The following ANKRD50 variants were observed in gnomAD, a reference collection of about 807,000 sequenced individuals.
The protein encoded by ANKRD50 is ankyrin repeat domain 50, also known as ankyrin repeat domain-containing protein 50.
ANKRD50 carries 40 observed loss-of-function variants against 112.0 expected under a neutral mutation model. The ratio of observed to expected loss-of-function variants is 0.36; its 90% CI spans 0.28 to 0.46. The LOEUF (loss-of-function observed/expected upper bound fraction) is 0.46. Among genes scored for constraint, ANKRD50 ranks in the 20% least tolerant of loss-of-function variants. The probability of loss-of-function intolerance (pLI) is 1.00; values close to 1 mark genes in which losing one functional copy is unlikely to be tolerated. For missense variants in ANKRD50, 1,487 were observed against 1,701.7 expected, an observed-to-expected ratio of 0.87 and a Z score of 2.22; for synonymous variants, 613 against 619.1, an observed-to-expected ratio of 0.99 and a Z score of 0.15.
At chr4:124,679,719 T>C (rs570424787) in intron 2 of ANKRD50, among the ~76,000 whole-genome samples, 11 of 152,300 alleles carry the variant, frequency 7.2e-5, no homozygotes, top group Non-Finnish European at 1.2e-4. Flanking sequence ...TGTGTTTTCT[T>C]AGTCTTTCAA....
chr4:124,688,078 C>T (rs1011988750), intron 2 of ANKRD50, among the ~76,000 whole-genome samples: 7 of 152,022 alleles, frequency 4.6e-5, no homozygotes, highest in African/African-American at 1.7e-4. Flanking sequence ...ATTTATAATC[C>T]CCCAAATTAG....
chr4:124,682,322 CAAAAAAAAAAAA>C (rs36107017), intron 2 of ANKRD50, among the ~76,000 whole-genome samples: 17 of 87,546 alleles, frequency 1.9e-4, no homozygotes, highest in African/African-American at 3.6e-4. Context: ...GACTCCGTCT[CAAAAAAAAAAAA>C]AAAAAAAAAA....
At chr4:124,708,916 C>T (rs1242073013) in intron 2 of ANKRD50, among the ~76,000 whole-genome samples, 3 of 151,770 alleles carry the variant, frequency 2.0e-5, no homozygotes, top group Admixed American at 2.0e-4. Context: ...TTACTGTTTA[C>T]TGTAATTACT....
At chr4:124,688,770 T>C (rs998852564) in intron 2 of ANKRD50, among the ~76,000 whole-genome samples, 1 of 152,176 alleles carries the variant, frequency 6.6e-6, no homozygotes, top group Non-Finnish European at 1.5e-5. Context: ...CCTACTAGAA[T>C]GCTGAATCAA....
chr4:124,694,102 G>T (rs1256035279), intron 2 of ANKRD50, among the ~76,000 whole-genome samples: 5 of 151,972 alleles, frequency 3.3e-5, no homozygotes, highest in African/African-American at 1.2e-4. Context: ...TAAAGCAAGT[G>T]GAACAGGAAA....
At position 124,669,682 on chromosome 4, in the gene ANKRD50, C is replaced by T; in HGVS notation, c.3595G>A (p.Ala1199Thr). Residue 1199 changes from alanine to threonine, a missense_variant, in exon 4 of 5, where the codon GCA becomes ACA. Physicochemically the swap from Ala to Thr is moderately conservative, Grantham distance 58. This residue lies in a region of ANKRD50 where 441 missense variants were observed against 432.2 expected (regional missense o/e 1.02). Coordinates refer to ENST00000504087, the MANE Select transcript of ANKRD50 (RefSeq NM_020337.3). ...NSSLRTTSSTATAQTVPIDSF... is the reference protein window; with the variant it reads ...NSSLRTTSSTTTAQTVPIDSF... Reference sequence around the variant, plus strand: ...TCAATTGGCACTGTTTGAGCCGTTGCTGTAGATGAAGTAGTTCTCAAAGAT... The same window carrying T: ...TCAATTGGCACTGTTTGAGCCGTTGTTGTAGATGAAGTAGTTCTCAAAGAT... 6.2e-7 allele frequency: 1 copy of T among 1,612,920 alleles called. No homozygotes were observed. The highest frequency in any genetic ancestry group is 2.2e-5 in the East Asian group (1 of 44,844).
chr4:124,694,196 AAAACTAGTAAGT>A (rs1468310166), intron 2 of ANKRD50, among the ~76,000 whole-genome samples: 2 of 152,222 alleles, frequency 1.3e-5, no homozygotes, highest in Admixed American at 1.3e-4. Context: ...ACTAGGATAA[AAAACTAGTAAGT>A]AAAATTGATA....
chr4:124,672,117 C>G lies in ANKRD50; in HGVS notation c.1160G>C (p.Arg387Pro). The G allele has an allele frequency of 6.2e-7, 1 of 1,613,832 alleles. No individual in the cohort carries two copies. The highest frequency in any genetic ancestry group is 8.5e-7 in the Non-Finnish European group (1 of 1,179,828). ...NMSLTLEDFQ[R>P]KLDILSKLLV... ...AAGTTTGGAGAGGATATCTAACTTG[C>G]GTTGAAAATCTTCCAAAGTTAACGA... The change falls in exon 4 of 5, where the codon CGC (arginine) becomes CCC (proline). Residue 387 changes from arginine to proline, a missense_variant. This residue lies in a region of ANKRD50 where 1,046 missense variants were observed against 1,269.5 expected (regional missense o/e 0.82). Transcript: ENST00000504087.
chr4:124,696,767 T>C (rs1167405276), intron 2 of ANKRD50, among the ~76,000 whole-genome samples: 1 of 152,214 alleles, frequency 6.6e-6, no homozygotes, highest in African/African-American at 2.4e-5. Context: ...AAAATGTTAT[T>C]TATATTAACA....
chr4:124,692,003 C>G (rs755692153), intron 2 of ANKRD50, among the ~76,000 whole-genome samples: 1 of 152,282 alleles, frequency 6.6e-6, no homozygotes, highest in Admixed American at 6.5e-5. Flanking sequence ...AAGCCGAAGT[C>G]AAAATGCAGG....
intron 2 of ANKRD50, among the ~76,000 whole-genome samples, chr4:124,694,481 T>G (rs1725206778): frequency 6.6e-6 from 1 of 152,302 alleles, no homozygotes; most frequent in African/African-American, 2.4e-5. Context: ...ACCTAGAGAT[T>G]TGCTGATGGA....
chr4:124,701,633 A>T (rs1204624269), intron 2 of ANKRD50, among the ~76,000 whole-genome samples: 1 of 152,164 alleles, frequency 6.6e-6, no homozygotes, highest in Non-Finnish European at 1.5e-5. Flanking sequence ...CAAAGACACT[A>T]GTAAAACAAC....
chr4:124,671,854 T>A lies in ANKRD50; in HGVS notation c.1423A>T (p.Met475Leu), dbSNP rs924687335. 6.2e-7 allele frequency: 1 copy of A among 1,613,904 alleles called. No homozygotes were observed. The highest frequency in any genetic ancestry group is 8.5e-7 in the Non-Finnish European group (1 of 1,179,868). Residue 475 changes from methionine to leucine, a missense_variant, in exon 4 of 5, where the codon ATG (methionine) becomes TTG (leucine). Met to Leu is a conservative substitution (Grantham distance 15, BLOSUM62 2). This residue lies in a region of ANKRD50 where 1,046 missense variants were observed against 1,269.5 expected (regional missense o/e 0.82). Coordinates refer to ENST00000504087, the MANE Select transcript of ANKRD50 (RefSeq NM_020337.3). The stretch of plus-strand genomic sequence containing the variant: ...CTGACAGGTGTACCATTCCATATCA[T>A]CCACAGAGCTAACTCCGCTGTCTCT... Reference protein sequence around the residue: ...QLETAELALWMIWNGTPVRDS... With the variant: ...QLETAELALWLIWNGTPVRDS...
intron 2 of ANKRD50, among the ~76,000 whole-genome samples, chr4:124,700,160 T>C (rs934403875): frequency 3.9e-5 from 6 of 152,138 alleles, no homozygotes; most frequent in Non-Finnish European, 8.8e-5. Flanking sequence ...AGATGGTACC[T>C]AAATGAAAAT....
chr4:124,684,726 A>C (rs1273616446), intron 2 of ANKRD50, among the ~76,000 whole-genome samples: 1 of 152,228 alleles, frequency 6.6e-6, no homozygotes, highest in East Asian at 1.9e-4. Context: ...TCATAGTTTC[A>C]AAATACATAG....
At chr4:124,681,490 T>G (rs1724885353) in intron 2 of ANKRD50, among the ~76,000 whole-genome samples, 1 of 152,114 alleles carries the variant, frequency 6.6e-6, no homozygotes, top group Non-Finnish European at 1.5e-5. Context: ...CTTCCCAATC[T>G]CCTTCTCCCC....
chr4:124,696,448 T>C (rs574138113), intron 2 of ANKRD50, among the ~76,000 whole-genome samples: 3 of 152,118 alleles, frequency 2.0e-5, no homozygotes, highest in African/African-American at 7.2e-5. Context: ...AGAGGCACTA[T>C]ACTATCTGAA....
Position 124,669,660 on chromosome 4 carries a change from A to G in ANKRD50, c.3617T>C (p.Ile1206Thr). ...SSTATAQTVP[I>T]DSFHNLSFTE... ...AAATGACAAGTTATGAAAGCTATCA[A>G]TTGGCACTGTTTGAGCCGTTGCTGT... The change falls in exon 4 of 5, where the codon ATT (isoleucine) becomes ACT (threonine). Residue 1206 changes from isoleucine to threonine, a missense_variant. Coordinates refer to ENST00000504087, the MANE Select transcript of ANKRD50 (RefSeq NM_020337.3). 1 of 1,613,186 alleles carries G rather than the reference A, an allele frequency of 6.2e-7. No individual in the cohort carries two copies. Among genetic ancestry groups the G allele is most frequent in the Non-Finnish European group, 8.5e-7 (1 of 1,179,728 alleles).
intron 2 of ANKRD50, among the ~76,000 whole-genome samples, chr4:124,703,058 A>G (rs1725426060): frequency 6.6e-6 from 1 of 152,080 alleles, no homozygotes; most frequent in South Asian, 2.1e-4. Context: ...ATTGGTAGCC[A>G]TGTAAGTAAA....
Sources: gnomAD v4.1 joint callset for allele counts (sites outside exome capture counted in the v4.1 genomes callset) on GRCh38, gnomAD v4.1.1 for gene constraint, gnomAD v4.1.1 regional missense constraint, MANE v1.5 for transcripts, NCBI Gene and HGNC (gene_info 2026-07-23, HGNC 2026-07-21) for gene names.